The following GKAP1 variants were observed in gnomAD, a reference collection of about 807,000 sequenced individuals.
GKAP1 encodes G kinase anchoring protein 1, also known as G kinase-anchoring protein 1.
In GKAP1, 31 loss-of-function variants were observed where a neutral mutation model predicts 56.7. That is an observed-to-expected ratio of 0.55 (90% CI 0.41 to 0.74). The LOEUF (loss-of-function observed/expected upper bound fraction) is 0.74, where lower values mean the gene tolerates loss of function less well. Ranked by LOEUF, GKAP1 falls within the 30% of genes least tolerant of loss-of-function variation. The pLI is 0.00. For missense variants in GKAP1, 364 were observed against 402.3 expected, an observed-to-expected ratio of 0.90 and a Z score of 0.82; for synonymous variants, 151 against 138.6, an observed-to-expected ratio of 1.09 and a Z score of -0.63.
At position 83,745,230 on chromosome 9, in the gene GKAP1, T is replaced by C. The variant is rs573519688; in HGVS notation, c.905-2630A>G. On this transcript the variant is annotated intron_variant, in intron 10 of 12. Transcript: ENST00000376371. ...ACATATAATTTTTGAGACAAGGTTTTGTCATGTTGCCCAGGCTGGTCCCAA... is the reference window on the plus strand; with the variant it reads ...ACATATAATTTTTGAGACAAGGTTTCGTCATGTTGCCCAGGCTGGTCCCAA... 3.3e-5 allele frequency among the ~76,000 whole-genome samples: 5 copies of C among 152,194 alleles called. No homozygotes were observed. The South Asian group carries it at 1.0e-3, about 32-fold the overall frequency.
chr9:83,779,582 T>C (rs1046250470), intron 7 of GKAP1, among the ~76,000 whole-genome samples: 7 of 66,834 alleles, frequency 1.0e-4, no homozygotes, highest in African/African-American at 5.3e-4. Context: ...CACATATATA[T>C]ACACGTATAT....
At position 83,761,391 on chromosome 9, in the gene GKAP1, G is replaced by A. The variant is rs141656028; in HGVS notation, c.738+7427C>T. Among the ~76,000 whole-genome samples, 10 of 151,778 alleles carry A rather than the reference G, an allele frequency of 6.6e-5. No individual in the cohort carries two copies. The South Asian group carries it at 1.0e-3, about 16-fold the overall frequency. Reference sequence around the variant, plus strand: ...TTGAACCATGAAGAAATCCAAAATCGAACAGACCAATAATAAGATTGAAGC... The same window carrying A: ...TTGAACCATGAAGAAATCCAAAATCAAACAGACCAATAATAAGATTGAAGC... On this transcript the variant is annotated intron_variant, in intron 8 of 12. Coordinates refer to ENST00000376371, the MANE Select transcript of GKAP1 (RefSeq NM_025211.4).
chr9:83,783,814 C>T (rs1049201312), intron 6 of GKAP1, among the ~76,000 whole-genome samples: 1 of 152,148 alleles, frequency 6.6e-6, no homozygotes, highest in Non-Finnish European at 1.5e-5. Flanking sequence ...TTTTTATTTT[C>T]AGTAAGTTTT....
At chr9:83,742,068 G>T (rs1345778296) in intron 11 of GKAP1, 39 bp from the exon 12 acceptor site, 2 of 1,353,984 alleles carry the variant, frequency 1.5e-6, no homozygotes, top group African/African-American at 1.5e-5. Flanking sequence ...AATTTTTGGG[G>T]TTTTTGGCAA....
At position 83,768,934 on chromosome 9, in the gene GKAP1, C is replaced by T; in HGVS notation, c.622G>A (p.Gly208Arg). ...TCATCTTCCAGTCTATTGAAGAATC[C>T]TCCATCATGTGATAAAGTCTGAGAA... ...SSSQTLSHDG[G>R]FFNRLEDDVH... Residue 208 changes from glycine to arginine, a missense_variant, in exon 8 of 13, where the codon GGA becomes AGA. Coordinates refer to ENST00000376371, the MANE Select transcript of GKAP1 (RefSeq NM_025211.4). The T allele has an allele frequency of 6.2e-7, 1 of 1,609,456 alleles. No individual in the cohort carries two copies. Among genetic ancestry groups the T allele is most frequent in the Non-Finnish European group, 8.5e-7 (1 of 1,178,494 alleles).
intron 2 of GKAP1, among the ~76,000 whole-genome samples, chr9:83,815,458 G>C (rs1327734139): frequency 1.3e-5 from 2 of 151,502 alleles, no homozygotes; most frequent in East Asian, 3.9e-4. Flanking sequence ...CCTCTATCAA[G>C]GTTTGGAGGC....
chr9:83,781,708 T>C (rs1424055071), intron 6 of GKAP1, among the ~76,000 whole-genome samples: 1 of 152,220 alleles, frequency 6.6e-6, no homozygotes, highest in African/African-American at 2.4e-5. Flanking sequence ...TTGCAAAAGC[T>C]GTGTAGGTTC....
intron 2 of GKAP1, among the ~76,000 whole-genome samples, chr9:83,811,453 G>A (rs902288454): frequency 1.8e-4 from 28 of 152,280 alleles, no homozygotes; most frequent in Non-Finnish European, 3.7e-4. Context: ...GATATTAAAC[G>A]TTTCTTGAAT....
At position 83,743,093 on chromosome 9, in the gene GKAP1, G is replaced by A. The variant is rs1297704488; in HGVS notation, c.905-493C>T. On this transcript the variant is annotated intron_variant, in intron 10 of 12. Coordinates refer to ENST00000376371, the MANE Select transcript of GKAP1 (RefSeq NM_025211.4). ...CATAAGGATCCCTTCAACTGGGGAG[G>A]TGGTGGTTGCTGTGAGCCAAGATGG... Among the ~76,000 whole-genome samples the A allele has an allele frequency of 3.9e-5, 6 of 152,160 alleles. 1 individual carries two copies. The highest frequency in any genetic ancestry group is 3.9e-4 in the Admixed American group (6 of 15,278).
chr9:83,815,699 CA>C (rs999789279), intron 2 of GKAP1, among the ~76,000 whole-genome samples: 9 of 151,570 alleles, frequency 5.9e-5, no homozygotes, highest in African/African-American at 1.7e-4. Context: ...TTAGCCTGAC[CA>C]AAAAAAGGTA....
intron 7 of GKAP1, among the ~76,000 whole-genome samples, chr9:83,773,739 C>T (rs1178474287): frequency 6.6e-6 from 1 of 151,982 alleles, no homozygotes; most frequent in African/African-American, 2.4e-5. Flanking sequence ...TGTTTGGTTT[C>T]TTAACTTTTT....
At chr9:83,804,106 C>T (rs1458235509) in intron 3 of GKAP1, among the ~76,000 whole-genome samples, 6 of 151,142 alleles carry the variant, frequency 4.0e-5, no homozygotes, top group African/African-American at 7.3e-5. Flanking sequence ...GCAGCCGCCC[C>T]GTCCGGGAGG....
At chr9:83,772,676 A>T (rs1004277484) in intron 7 of GKAP1, among the ~76,000 whole-genome samples, 8 of 152,236 alleles carry the variant, frequency 5.3e-5, no homozygotes, top group African/African-American at 1.9e-4. Flanking sequence ...AGCCTGGAAG[A>T]AAGTATTTGC....
intron 2 of GKAP1, among the ~76,000 whole-genome samples, chr9:83,814,482 T>C (rs1944555219): frequency 6.6e-6 from 1 of 152,210 alleles, no homozygotes; most frequent in Non-Finnish European, 1.5e-5. Context: ...AATATTTCCA[T>C]ACTTTAAACT....
At chr9:83,814,460 TC>T (rs1476804381) in intron 2 of GKAP1, among the ~76,000 whole-genome samples, 14 of 152,154 alleles carry the variant, frequency 9.2e-5, no homozygotes, top group Non-Finnish European at 2.1e-4. Context: ...AGTTAAACAT[TC>T]CCTCCTCTGT....
chr9:83,809,262 TTAGA>T (rs1302541787), intron 2 of GKAP1, among the ~76,000 whole-genome samples: 4 of 152,224 alleles, frequency 2.6e-5, no homozygotes, highest in African/African-American at 7.2e-5. Flanking sequence ...CAGGGTATCC[TTAGA>T]TAAAGTTTCC....
chr9:83,741,925 A>G (rs1382753969), intron 12 of GKAP1, 27 bp downstream of exon 12: 1 of 1,370,458 alleles, frequency 7.3e-7, no homozygotes, highest in Non-Finnish European at 1.0e-6. Context: ...TTTGTGATAA[A>G]AACACTTATA....
intron 7 of GKAP1, among the ~76,000 whole-genome samples, chr9:83,773,355 A>T (rs369846714): frequency 6.6e-5 from 10 of 152,194 alleles, no homozygotes; most frequent in Non-Finnish European, 1.5e-4. Context: ...AGTGGTTGCC[A>T]GGGGCTGAAG....
intron 4 of GKAP1, among the ~76,000 whole-genome samples, chr9:83,797,950 T>G (rs1335238129): frequency 1.3e-5 from 2 of 151,982 alleles, no homozygotes; most frequent in African/African-American, 4.8e-5. Flanking sequence ...GAATATTTTA[T>G]AAGAAAAAAA....
Sources: gnomAD v4.1 joint callset for allele counts (sites outside exome capture counted in the v4.1 genomes callset) on GRCh38, gnomAD v4.1.1 for gene constraint, MANE v1.5 for transcripts, NCBI Gene and HGNC (gene_info 2026-07-23, HGNC 2026-07-21) for gene names.